The following PUDP variants were observed in gnomAD, a reference collection of about 807,000 sequenced individuals.
PUDP encodes pseudouridine-5'-phosphatase.
PUDP carries 8 observed loss-of-function variants against 9.4 expected under a neutral mutation model. That is an observed-to-expected ratio of 0.85 (90% CI 0.50 to 1.53). PUDP has a LOEUF of 1.53. PUDP is among the 40% of genes most tolerant of loss of function. The pLI is 0.00. For missense variants in PUDP, 188 were observed against 189.7 expected (o/e 0.99, Z 0.05); for synonymous variants, 99 against 80.7 (o/e 1.23, Z -1.22).
intron 2 of PUDP, among the ~76,000 whole-genome samples, chrX:7,096,885 G>A (rs1229986733): frequency 1.8e-5 from 2 of 110,450 alleles, no homozygotes; most frequent in African/African-American, 6.6e-5. Context: ...TTATCCTGAA[G>A]GGATATTCTC....
chrX:6,942,658 C>T (rs1928414951), intron 3 of PUDP, among the ~76,000 whole-genome samples: 1 of 112,308 alleles, frequency 8.9e-6, no homozygotes, highest in South Asian at 3.7e-4. Context: ...TGAAAGCAGG[C>T]TTTTTGCAGA....
intron 3 of PUDP, among the ~76,000 whole-genome samples, chrX:6,834,793 G>A (rs1322921286): frequency 1.8e-5 from 2 of 111,090 alleles, no homozygotes; most frequent in Non-Finnish European, 3.8e-5. Flanking sequence ...TGGTGAAAGG[G>A]CAAAGAGAGG....
chrX:6,801,037 C>T (rs983192396), intron 3 of PUDP, among the ~76,000 whole-genome samples: 1 of 111,696 alleles, frequency 9.0e-6, no homozygotes, highest in African/African-American at 3.3e-5. Context: ...TGACAGAGCC[C>T]GCGAAGACTT....
chrX:7,048,060 C>T (rs916246983), downstream of PUDP, among the ~76,000 whole-genome samples: 12 of 111,552 alleles, frequency 1.1e-4, no homozygotes, highest in African/African-American at 3.9e-4. Flanking sequence ...TATAAAACAC[C>T]AAACTCCATC....
chrX:6,754,990 G>A (rs1381919832), intron 3 of PUDP, among the ~76,000 whole-genome samples: 1 of 111,218 alleles, frequency 9.0e-6, no homozygotes, highest in Non-Finnish European at 1.9e-5. Flanking sequence ...TTTTCTTGTT[G>A]GTTTTGCTGT....
chrX:6,817,056 A>G (rs371846824), intron 3 of PUDP, among the ~76,000 whole-genome samples: 1 of 95,932 alleles, frequency 1.0e-5, no homozygotes, highest in Non-Finnish European at 2.0e-5. Flanking sequence ...TATATACACT[A>G]TATAGTATAT....
chrX:6,978,251 C>T (rs900584038), exon 2 of PUDP, among the ~76,000 whole-genome samples: 2 of 111,228 alleles, frequency 1.8e-5, no homozygotes, highest in African/African-American at 3.3e-5. Flanking sequence ...TCCTTGGAGA[C>T]GTTTTGAGAC....
intron 3 of PUDP, among the ~76,000 whole-genome samples, chrX:6,847,751 C>A (rs781233250): frequency 1.8e-4 from 20 of 111,818 alleles, no homozygotes; most frequent in Non-Finnish European, 2.6e-4. Context: ...ATTTATTATT[C>A]CTCACATATC....
chrX:6,833,208 A>G (rs1926530474), intron 3 of PUDP, among the ~76,000 whole-genome samples: 1 of 112,639 alleles, frequency 8.9e-6, no homozygotes, highest in Non-Finnish European at 1.9e-5. Flanking sequence ...TGAAGTTTAT[A>G]TCTAATGTAC....
chrX:6,976,328 G>T (rs1928955480), intron 3 of PUDP, among the ~76,000 whole-genome samples: 1 of 112,013 alleles, frequency 8.9e-6, no homozygotes, highest in African/African-American at 3.2e-5. Context: ...GGCCCTGGTG[G>T]TATAGATACC....
intron 3 of PUDP, among the ~76,000 whole-genome samples, chrX:6,750,837 C>G (rs987963984): frequency 8.9e-6 from 1 of 111,736 alleles, no homozygotes; most frequent in Admixed American, 9.5e-5. Flanking sequence ...CAGGAAATTT[C>G]TAGTTCAGAA....
intron 3 of PUDP, among the ~76,000 whole-genome samples, chrX:6,802,260 A>G (rs1925946251): frequency 9.0e-6 from 1 of 111,520 alleles, no homozygotes; most frequent in Admixed American, 9.5e-5. Flanking sequence ...GGGTGAATAG[A>G]CACACACTCC....
intron 3 of PUDP, among the ~76,000 whole-genome samples, chrX:6,942,497 T>A (rs1437063485): frequency 8.9e-6 from 1 of 111,853 alleles, no homozygotes; most frequent in Non-Finnish European, 1.9e-5. Flanking sequence ...CTGCATTTGC[T>A]GCTTCTTAAT....
chrX:6,866,112 T>C (rs1007651388), intron 3 of PUDP, among the ~76,000 whole-genome samples: 1 of 110,260 alleles, frequency 9.1e-6, no homozygotes, highest in African/African-American at 3.3e-5. Context: ...TTTGTAGAGA[T>C]AATGTCTTGC....
chrX:7,008,986 C>T (rs542622845), intron 1 of PUDP, among the ~76,000 whole-genome samples: 7 of 112,079 alleles, frequency 6.2e-5, no homozygotes, highest in Middle Eastern at 4.6e-3. Flanking sequence ...TAGAAGTAGA[C>T]ACTGAAATAG....
chrX:7,038,330 A>G (rs1322157385), intron 1 of PUDP, among the ~76,000 whole-genome samples: 1 of 112,341 alleles, frequency 8.9e-6, no homozygotes, highest in East Asian at 2.8e-4. Flanking sequence ...AATATTAGGG[A>G]GCATCCATCT....
intron 3 of PUDP, among the ~76,000 whole-genome samples, chrX:6,872,516 C>T (rs761293362): frequency 2.8e-5 from 3 of 108,676 alleles, no homozygotes; most frequent in East Asian, 5.8e-4. Flanking sequence ...CTGGGCAACA[C>T]GGTGAAACCC....
intron 3 of PUDP, among the ~76,000 whole-genome samples, chrX:6,933,358 G>A (rs748105906): frequency 1.8e-5 from 2 of 111,541 alleles, no homozygotes; most frequent in Admixed American, 9.5e-5. Flanking sequence ...ACACCGCTGC[G>A]GATACCCAGG....
chrX:6,934,620 T>A (rs1356950827), intron 3 of PUDP, among the ~76,000 whole-genome samples: 3 of 106,402 alleles, frequency 2.8e-5, no homozygotes, highest in Non-Finnish European at 5.8e-5. Flanking sequence ...AGGATCAAAT[T>A]CACACATAAC....
Sources: gnomAD v4.1 joint callset for allele counts (sites outside exome capture counted in the v4.1 genomes callset) on GRCh38, gnomAD v4.1.1 for gene constraint, MANE v1.5 for transcripts, NCBI Gene and HGNC (gene_info 2026-07-23, HGNC 2026-07-21) for gene names.